GBE1: variants seen among roughly 807,000 people sequenced by gnomAD.
GBE1 encodes the protein 1,4-alpha-glucan-branching enzyme.
GBE1 carries 70 observed loss-of-function variants against 88.8 expected under a neutral mutation model. The observed-to-expected ratio is 0.79, with a 90% CI of 0.65 to 0.96. The LOEUF is 0.96. Ranked by LOEUF, GBE1 falls within the 40% of genes least tolerant of loss-of-function variation. The probability of loss-of-function intolerance (pLI) is 0.00; values close to 1 mark genes in which losing one functional copy is unlikely to be tolerated. For synonymous variants in GBE1, 284 were observed against 300.1 expected, an observed-to-expected ratio of 0.95 and a Z score of 0.56; for missense variants, 872 against 871.0, an observed-to-expected ratio of 1.00 and a Z score of -0.01.
At chr3:81,543,089 T>C (rs1175840196) in intron 12 of GBE1, among the ~76,000 whole-genome samples, 2 of 152,138 alleles carry the variant, frequency 1.3e-5, no homozygotes, top group Non-Finnish European at 2.9e-5. Context: ...ATTCATATAA[T>C]ATGTAATATG....
intron 12 of GBE1, among the ~76,000 whole-genome samples, chr3:81,539,213 A>G (rs1576139500): frequency 6.6e-6 from 1 of 152,006 alleles, no homozygotes; most frequent in East Asian, 1.9e-4. Flanking sequence ...CTACCATAGC[A>G]TGTTGTGCAC....
chr3:81,610,920 G>A (rs1429445456), intron 7 of GBE1, among the ~76,000 whole-genome samples: 1 of 151,892 alleles, frequency 6.6e-6, no homozygotes, highest in Non-Finnish European at 1.5e-5. Context: ...TACAGCAAGG[G>A]ATTTCATCTA....
chr3:81,600,355 C>T (rs1046646092), intron 7 of GBE1, among the ~76,000 whole-genome samples: 44 of 152,062 alleles, frequency 2.9e-4, no homozygotes, highest in African/African-American at 1.0e-3. Flanking sequence ...GATAATTTCC[C>T]ATTATCTCAC....
At chr3:81,591,993 C>A (rs1164177202) in intron 8 of GBE1, among the ~76,000 whole-genome samples, 1 of 151,896 alleles carries the variant, frequency 6.6e-6, no homozygotes, top group Non-Finnish European at 1.5e-5. Context: ...TGCTGTCGTT[C>A]TTTAATTTTA....
chr3:81,552,391 C>T (rs1011111007), intron 12 of GBE1, among the ~76,000 whole-genome samples: 1 of 152,024 alleles, frequency 6.6e-6, no homozygotes, highest in Non-Finnish European at 1.5e-5. Flanking sequence ...GTGGCAGGCA[C>T]CTGTAATTCC....
intron 5 of GBE1, among the ~76,000 whole-genome samples, chr3:81,647,359 C>T (rs560863763): frequency 5.3e-5 from 8 of 152,268 alleles, no homozygotes; most frequent in South Asian, 4.1e-4. Flanking sequence ...CATGTATGTG[C>T]ATATACAAAC....
chr3:81,663,657 T>C (rs926029298), intron 3 of GBE1, among the ~76,000 whole-genome samples: 1 of 152,128 alleles, frequency 6.6e-6, no homozygotes, highest in Non-Finnish European at 1.5e-5. Context: ...GAGGGTCTAA[T>C]TGAGCTGGTT....
intron 7 of GBE1, among the ~76,000 whole-genome samples, chr3:81,608,516 C>A (rs887755246): frequency 6.6e-6 from 1 of 152,108 alleles, no homozygotes; most frequent in South Asian, 2.1e-4. Context: ...CTAAAGGTCA[C>A]GGAATACGTT....
At chr3:81,684,055 AT>A (rs1705396420) in intron 2 of GBE1, among the ~76,000 whole-genome samples, 1 of 152,232 alleles carries the variant, frequency 6.6e-6, no homozygotes, top group African/African-American at 2.4e-5. Context: ...AGTGCTTGAC[AT>A]TCGACATCTA....
In GBE1 at chr3:81,579,275, T is replaced by C. The variant is rs905704663; in HGVS notation, c.1447-1179A>G. On this transcript the variant is annotated intron_variant, in intron 11 of 15. Transcript: ENST00000429644. ...ATATGTTTATTTATTCATTTTTATG[T>C]ATTCATATACATTTATATTTTTTAT... 4.6e-5 allele frequency among the ~76,000 whole-genome samples: 7 copies of C among 152,082 alleles called. No homozygotes were observed. In the South Asian group the frequency reaches 6.2e-4, roughly 13 times the overall value.
intron 1 of GBE1, among the ~76,000 whole-genome samples, chr3:81,758,717 TGGAGG>T (rs1215948924): frequency 6.6e-6 from 1 of 152,206 alleles, no homozygotes; most frequent in Non-Finnish European, 1.5e-5. Context: ...TGAGACAACA[TGGAGG>T]TGGTCAGTCA....
At chr3:81,577,839 G>C in intron 12 of GBE1, 86 bp downstream of exon 12, 1 of 1,105,700 alleles carries the variant, frequency 9.0e-7, no homozygotes, top group Non-Finnish European at 1.3e-6. Context: ...AATCTGAAAA[G>C]CCAAATCAAA....
intron 1 of GBE1, among the ~76,000 whole-genome samples, chr3:81,709,809 A>G (rs541344736): frequency 6.6e-6 from 1 of 152,274 alleles, no homozygotes; most frequent in East Asian, 1.9e-4. Context: ...TTGTGGCTCA[A>G]AAAGGAAAAT....
chr3:81,530,729 G>A (rs1416452576), intron 14 of GBE1, among the ~76,000 whole-genome samples: 1 of 151,928 alleles, frequency 6.6e-6, no homozygotes, highest in African/African-American at 2.4e-5. Flanking sequence ...ATGCAAGCAA[G>A]TTCATTGCCA....
At chr3:81,559,632 C>T (rs1559644866) in intron 12 of GBE1, among the ~76,000 whole-genome samples, 2 of 151,832 alleles carry the variant, frequency 1.3e-5, no homozygotes, top group South Asian at 4.2e-4. Context: ...ATCACCCCGC[C>T]GAGAATGCAC....
intron 7 of GBE1, among the ~76,000 whole-genome samples, chr3:81,616,922 T>C (rs1704255331): frequency 6.6e-6 from 1 of 152,018 alleles, no homozygotes; most frequent in Middle Eastern, 3.2e-3. Flanking sequence ...ATTTACATCT[T>C]ACTACTTCTT....
rs1479161928 is a variant in GBE1 at position 81,761,497 on chromosome 3, G to A, written c.21C>T (p.Pro7=). 1.2e-6 allele frequency: 2 copies of A among 1,608,346 alleles called. No individual in the cohort carries two copies. Among genetic ancestry groups the A allele is most frequent in the South Asian group, 1.1e-5 (1 of 90,756 alleles). Residue 7 remains proline, a synonymous_variant, in exon 1 of 16, where the codon CCC becomes CCT. Coordinates refer to ENST00000429644, the MANE Select transcript of GBE1 (RefSeq NM_000158.4). The part of the protein sequence containing the change: MAAPMT[P]AARPEDYEAA... The stretch of plus-strand genomic sequence containing the variant: ...CCTCGTAGTCCTCGGGCCGAGCCGC[G>A]GGAGTCATCGGAGCCGCCATATTCC...
At chr3:81,658,184 G>A (rs1327754410) in intron 3 of GBE1, among the ~76,000 whole-genome samples, 2 of 151,750 alleles carry the variant, frequency 1.3e-5, no homozygotes, top group Non-Finnish European at 2.9e-5. Flanking sequence ...TAGGACAAAG[G>A]GTTTCTCTAA....
intron 12 of GBE1, among the ~76,000 whole-genome samples, chr3:81,540,494 C>T (rs868456148): frequency 1.3e-4 from 20 of 152,118 alleles, no homozygotes; most frequent in Middle Eastern, 6.8e-3. Flanking sequence ...TTGGTTTCCT[C>T]ATCTGTAAAA....
Sources: gnomAD v4.1 joint callset for allele counts (sites outside exome capture counted in the v4.1 genomes callset) on GRCh38, gnomAD v4.1.1 for gene constraint, MANE v1.5 for transcripts, NCBI Gene and HGNC (gene_info 2026-07-23, HGNC 2026-07-21) for gene names.